The following PLPP1 variants were observed in gnomAD, a reference collection of about 807,000 sequenced individuals.
PLPP1 encodes phospholipid phosphatase 1.
A neutral mutation model predicts 31.2 loss-of-function variants in PLPP1; 24 were observed. That is an observed-to-expected ratio of 0.77 (90% CI 0.56 to 1.08). The LOEUF (loss-of-function observed/expected upper bound fraction) is 1.08. Among genes scored for constraint, PLPP1 ranks in the 50% least tolerant of loss-of-function variants. PLPP1 has a pLI of 0.00. For missense variants in PLPP1, 319 were observed against 342.7 expected (o/e 0.93, Z 0.55); for synonymous variants, 146 against 126.3 (o/e 1.16, Z -1.05).
intron 1 of PLPP1, among the ~76,000 whole-genome samples, chr5:55,486,894 C>G (rs1327812791): frequency 6.6e-6 from 1 of 151,724 alleles, no homozygotes; most frequent in Non-Finnish European, 1.5e-5. Context: ...GCTTGGGCGA[C>G]AGAGCGAGAC....
chr5:55,433,364 A>G (rs1220957267), intron 4 of PLPP1, among the ~76,000 whole-genome samples: 1 of 146,466 alleles, frequency 6.8e-6, no homozygotes, highest in African/African-American at 2.5e-5. Context: ...TCCAAGTTGT[A>G]TAACAGGAAA....
intron 5 of PLPP1, 89 bp from the exon 6 acceptor site, chr5:55,425,423 A>G: frequency 8.2e-7 from 1 of 1,223,358 alleles, no homozygotes; most frequent in Non-Finnish European, 1.1e-6. Flanking sequence ...AGATAAATAT[A>G]AACAAAAGGA....
At chr5:55,475,172 C>T (rs1054773176) in intron 2 of PLPP1, 127 bp downstream of exon 2, 9 of 818,220 alleles carry the variant, frequency 1.1e-5, no homozygotes, top group Middle Eastern at 3.8e-4. Context: ...TCAAATAAAG[C>T]ATCAATTAAA....
At chr5:55,429,538 C>T (rs1191131990) in intron 4 of PLPP1, among the ~76,000 whole-genome samples, 1 of 151,998 alleles carries the variant, frequency 6.6e-6, no homozygotes, top group African/African-American at 2.4e-5. Context: ...TGGAAGAAAC[C>T]CTCAACCCAC....
chr5:55,501,330 C>T lies in PLPP1; in HGVS notation c.59-25880G>A, dbSNP rs1369730130. ...CTCCGTCTCAAAAAAAACAAACAAACAAATAAACAAAAAAACACAAAGCAG... is the reference window on the plus strand; with the variant it reads ...CTCCGTCTCAAAAAAAACAAACAAATAAATAAACAAAAAAACACAAAGCAG... On this transcript the variant is annotated intron_variant, in intron 1 of 5. Coordinates refer to ENST00000307259, the MANE Select transcript of PLPP1 (RefSeq NM_003711.4). Among the ~76,000 whole-genome samples the T allele has an allele frequency of 2.0e-5, 3 of 151,914 alleles. No homozygotes were observed. The East Asian group carries it at 5.8e-4, about 30-fold the overall frequency.
chr5:55,531,673 A>G (rs538960576), intron 1 of PLPP1, among the ~76,000 whole-genome samples: 11 of 152,330 alleles, frequency 7.2e-5, no homozygotes, highest in African/African-American at 2.6e-4. Flanking sequence ...ATTTTAGGCT[A>G]CCAATCTCCT....
chr5:55,451,696 G>C (rs1215718297), intron 3 of PLPP1, among the ~76,000 whole-genome samples: 1 of 152,082 alleles, frequency 6.6e-6, no homozygotes, highest in Non-Finnish European at 1.5e-5. Context: ...TGAGTAGCTG[G>C]GATTACAGGT....
chr5:55,475,397 C>G lies in PLPP1; in HGVS notation c.112G>C (p.Val38Leu). 1 of 1,612,754 alleles carries G rather than the reference C, an allele frequency of 6.2e-7. No individual in the cohort carries two copies. Among genetic ancestry groups the G allele is most frequent in the Non-Finnish European group, 8.5e-7 (1 of 1,179,162 alleles). ...TTGATGGACTCATCATTACAGAATA[C>G]TCCTCGTTGGAAGGGGGTATGCCTT... ...TSRHTPFQRG[V>L]FCNDESIKYP... The change falls in exon 2 of 6, where the codon GTA (valine) becomes CTA (leucine). Residue 38 changes from valine to leucine, a missense_variant. Coordinates refer to ENST00000307259, the MANE Select transcript of PLPP1 (RefSeq NM_003711.4).
At chr5:55,488,773 T>C (rs1469487503) in intron 1 of PLPP1, among the ~76,000 whole-genome samples, 1 of 152,222 alleles carries the variant, frequency 6.6e-6, no homozygotes, top group African/African-American at 2.4e-5. Context: ...TTATTTTCTC[T>C]TTCTACTTTA....
intron 3 of PLPP1, among the ~76,000 whole-genome samples, chr5:55,458,191 G>A (rs1000827053): frequency 3.3e-5 from 5 of 152,146 alleles, no homozygotes; most frequent in Admixed American, 1.3e-4. Flanking sequence ...ATAAAAGTGG[G>A]ACAATATTAT....
intron 1 of PLPP1, among the ~76,000 whole-genome samples, chr5:55,488,474 C>T (rs1982931): frequency 0.84 from 127,816 of 151,568 alleles, 54,286 homozygotes; most frequent in South Asian, 0.92. Flanking sequence ...GGTAAAACCC[C>T]GTCTCTACTA....
chr5:55,493,514 G>A (rs1055677675), intron 1 of PLPP1, among the ~76,000 whole-genome samples: 7 of 151,920 alleles, frequency 4.6e-5, no homozygotes, highest in Admixed American at 6.6e-5. Context: ...AGGCTGAGGC[G>A]GGAGGATCAC....
At position 55,508,139 on chromosome 5, in the gene PLPP1, T is replaced by C. The variant is rs540518152; in HGVS notation, c.58+26433A>G. 3.3e-5 allele frequency among the ~76,000 whole-genome samples: 5 copies of C among 152,350 alleles called. No individual in the cohort carries two copies. In the South Asian group the frequency reaches 1.0e-3, roughly 32 times the overall value. ...TCCCAAAGTGCTAGGATTACAGGCA[T>C]GAGCCACCATGCCTGGTCTAATAAT... On this transcript the variant is annotated intron_variant, in intron 1 of 5. Coordinates refer to ENST00000307259, the MANE Select transcript of PLPP1 (RefSeq NM_003711.4).
At chr5:55,452,024 G>C (rs1051826776) in intron 3 of PLPP1, among the ~76,000 whole-genome samples, 1 of 152,140 alleles carries the variant, frequency 6.6e-6, no homozygotes, top group Non-Finnish European at 1.5e-5. Context: ...ACATGAGCTT[G>C]TTACTCTCCT....
At chr5:55,450,941 C>T (rs112335703) in intron 3 of PLPP1, among the ~76,000 whole-genome samples, 21 of 152,210 alleles carry the variant, frequency 1.4e-4, no homozygotes, top group African/African-American at 3.1e-4. Context: ...TTCTAAAGTA[C>T]GCATTGTTAT....
Position 55,425,186 on chromosome 5 carries a change from C to G in PLPP1, c.*20G>C. On this transcript the variant is annotated 3_prime_UTR_variant, in exon 6 of 6. Transcript: ENST00000307259. ...TCCTTTAGAAAACAGGCCAGCTTCA[C>G]CTGGGCACCCTGCTGCCTTTCAAGG... The G allele has an allele frequency of 6.2e-7, 1 of 1,606,464 alleles. No homozygotes were observed. Among genetic ancestry groups the G allele is most frequent in the Non-Finnish European group, 8.5e-7 (1 of 1,178,028 alleles).
chr5:55,509,246 T>C (rs960918478), intron 1 of PLPP1, among the ~76,000 whole-genome samples: 5 of 152,164 alleles, frequency 3.3e-5, no homozygotes, highest in Non-Finnish European at 5.9e-5. Context: ...GACAATGAAT[T>C]TGTGCAAGGT....
At chr5:55,453,042 T>A (rs1270640151) in intron 3 of PLPP1, among the ~76,000 whole-genome samples, 17 of 152,238 alleles carry the variant, frequency 1.1e-4, no homozygotes, top group African/African-American at 4.1e-4. Context: ...TTTCCTTTTT[T>A]GCTAAAGTAG....
intron 2 of PLPP1, among the ~76,000 whole-genome samples, chr5:55,472,461 G>A (rs1371019051): frequency 1.3e-5 from 2 of 152,028 alleles, no homozygotes; most frequent in African/African-American, 4.8e-5. Flanking sequence ...ATTAGCTGAT[G>A]TGGTGACAGG....
Sources: allele counts gnomAD v4.1 joint callset (sites outside exome capture counted in the v4.1 genomes callset), GRCh38; gene constraint gnomAD v4.1.1; transcripts MANE v1.5; gene names NCBI Gene and HGNC (gene_info 2026-07-23, HGNC 2026-07-21).